The following C12orf42 variants were observed in gnomAD, a reference collection of about 807,000 sequenced individuals.
The protein encoded by C12orf42 is chromosome 12 open reading frame 42, also known as uncharacterized protein C12orf42.
Under a neutral mutation model 21.6 loss-of-function variants are expected in C12orf42, and 25 were observed. The ratio of observed to expected loss-of-function variants is 1.16; its 90% CI spans 0.84 to 1.62. C12orf42 has a LOEUF of 1.62. C12orf42 is among the 40% of genes most tolerant of loss of function. The pLI is 0.00. For missense variants in C12orf42, 483 were observed against 459.3 expected (o/e 1.05, Z -0.47); for synonymous variants, 174 against 175.0 (o/e 0.99, Z 0.05).
the C12orf42 span, among the ~76,000 whole-genome samples, chr12:103,544,491 T>C: frequency 6.6e-6 from 1 of 152,232 alleles, no homozygotes; most frequent in African/African-American, 2.4e-5. Flanking sequence ...GGTGTATTTC[T>C]TTTCCTTCAC....
the C12orf42 span, among the ~76,000 whole-genome samples, chr12:103,120,014 G>C: frequency 6.6e-6 from 1 of 152,198 alleles, no homozygotes; most frequent in Non-Finnish European, 1.5e-5. Context: ...CTGGAGGCTG[G>C]GGAAAAGGGA....
At chr12:103,077,961 C>T in the C12orf42 span, among the ~76,000 whole-genome samples, 11 of 152,004 alleles carry the variant, frequency 7.2e-5, no homozygotes, top group African/African-American at 2.2e-4. Context: ...AAATTTAATT[C>T]GACAAAGCTA....
the C12orf42 span, among the ~76,000 whole-genome samples, chr12:103,179,648 G>A: frequency 6.6e-6 from 1 of 152,234 alleles, no homozygotes; most frequent in African/African-American, 2.4e-5. Flanking sequence ...AGGACAACAG[G>A]GAACCACTGA....
the C12orf42 span, among the ~76,000 whole-genome samples, chr12:103,523,927 C>T: frequency 1.1e-4 from 16 of 152,020 alleles, no homozygotes; most frequent in African/African-American, 1.7e-4. Context: ...CCCTTCCTGT[C>T]GCCATCATTC....
At chr12:103,422,563 C>T (rs1233267771) in intron 2 of C12orf42, among the ~76,000 whole-genome samples, 1 of 152,040 alleles carries the variant, frequency 6.6e-6, no homozygotes, top group Non-Finnish European at 1.5e-5. Context: ...GTGGGATTTT[C>T]CTTTTAAAAT....
intron 4 of C12orf42, among the ~76,000 whole-genome samples, chr12:103,293,876 T>A (rs2036977758): frequency 6.6e-6 from 1 of 152,184 alleles, no homozygotes; most frequent in African/African-American, 2.4e-5. Context: ...ATTTTGGGTC[T>A]CACGACTGTG....
chr12:103,544,836 C>T, the C12orf42 span, among the ~76,000 whole-genome samples: 1 of 152,050 alleles, frequency 6.6e-6, no homozygotes, highest in African/African-American at 2.4e-5. Context: ...ACTTTCAAGG[C>T]ATGCAGTTTT....
intron 2 of C12orf42, among the ~76,000 whole-genome samples, chr12:103,412,159 C>A (rs190068563): frequency 3.8e-4 from 58 of 152,310 alleles, no homozygotes; most frequent in Non-Finnish European, 7.3e-4. Context: ...CACATTTTAA[C>A]TGAGTTTAAA....
At chr12:103,199,737 C>T in the C12orf42 span, among the ~76,000 whole-genome samples, 1 of 152,084 alleles carries the variant, frequency 6.6e-6, no homozygotes, top group African/African-American at 2.4e-5. Flanking sequence ...CAGTAATAAT[C>T]AGAGAAATAT....
chr12:103,274,969 G>A (rs2035680078), intron 5 of C12orf42, among the ~76,000 whole-genome samples: 1 of 151,736 alleles, frequency 6.6e-6, no homozygotes, highest in Non-Finnish European at 1.5e-5. Context: ...CAATTTTAAA[G>A]TTTCATTCAT....
At chr12:103,368,803 T>C (rs1235047139) in intron 4 of C12orf42, 84 bp downstream of exon 4, 2 of 696,530 alleles carry the variant, frequency 2.9e-6, no homozygotes, top group Non-Finnish European at 2.4e-6. Flanking sequence ...TGTTCTTCAA[T>C]ACAATCTTTA....
intron 2 of C12orf42, among the ~76,000 whole-genome samples, chr12:103,427,943 C>T (rs575429168): frequency 5.7e-4 from 86 of 152,210 alleles, no homozygotes; most frequent in Middle Eastern, 6.8e-3. Flanking sequence ...AAAGACATAA[C>T]GTACCAGAAT....
intron 2 of C12orf42, among the ~76,000 whole-genome samples, chr12:103,406,902 C>T (rs1034815594): frequency 1.2e-4 from 18 of 152,086 alleles, no homozygotes; most frequent in African/African-American, 3.1e-4. Context: ...AGGGTCAGCA[C>T]GGGGAAAGTG....
chr12:103,274,756 G>T (rs1050405909), intron 5 of C12orf42, among the ~76,000 whole-genome samples: 1 of 152,082 alleles, frequency 6.6e-6, no homozygotes, highest in Admixed American at 6.6e-5. Flanking sequence ...TTGCCAAAAA[G>T]AAAACAAAAA....
chr12:103,196,505 C>T, the C12orf42 span, among the ~76,000 whole-genome samples: 2,915 of 152,110 alleles, frequency 0.019, 35 homozygotes, highest in East Asian at 0.028. Flanking sequence ...TTTTCTGCCT[C>T]GATGATCTGG....
the C12orf42 span, among the ~76,000 whole-genome samples, chr12:103,517,121 C>T: frequency 6.6e-6 from 1 of 152,174 alleles, no homozygotes; most frequent in Admixed American, 6.6e-5. Flanking sequence ...CATAATAAGA[C>T]CAATGGGATG....
At chr12:103,247,767 C>T (rs1416741237) in intron 10 of C12orf42, among the ~76,000 whole-genome samples, 5 of 151,980 alleles carry the variant, frequency 3.3e-5, no homozygotes, top group Non-Finnish European at 7.4e-5. Flanking sequence ...CTTGTCCATA[C>T]TGGTTGGGAA....
the C12orf42 span, among the ~76,000 whole-genome samples, chr12:103,228,880 C>T: frequency 2.0e-5 from 3 of 149,324 alleles, no homozygotes; most frequent in East Asian, 5.9e-4. Flanking sequence ...AGGAGTTTGC[C>T]ACTCTCACTT....
the C12orf42 span, among the ~76,000 whole-genome samples, chr12:103,065,080 T>C: frequency 2.0e-5 from 3 of 152,170 alleles, no homozygotes; most frequent in East Asian, 5.8e-4. Flanking sequence ...TGCCTTTACC[T>C]AGAAACATAC....
Sources: gnomAD v4.1 joint callset for allele counts (sites outside exome capture counted in the v4.1 genomes callset) on GRCh38, gnomAD v4.1.1 for gene constraint, MANE v1.5 for transcripts, NCBI Gene and HGNC (gene_info 2026-07-23, HGNC 2026-07-21) for gene names.